The following PCSK5 variants were observed in gnomAD, a reference collection of about 807,000 sequenced individuals.
The protein encoded by PCSK5 is proprotein convertase subtilisin/kexin type 5, also known as prohormone convertase 5.
Under a neutral mutation model 233.2 loss-of-function variants are expected in PCSK5, and 129 were observed. That is an observed-to-expected ratio of 0.55 (90% confidence interval 0.48 to 0.64). PCSK5 has a LOEUF of 0.64. Among genes scored for constraint, PCSK5 ranks in the 30% least tolerant of loss-of-function variants. The pLI is 0.00. For synonymous variants in PCSK5, 825 were observed against 879.2 expected (o/e 0.94, Z 1.09); for missense variants, 2,076 against 2,430.1 (o/e 0.85, Z 3.06).
chr9:76,091,650 TG>T (rs1294148510), intron 7 of PCSK5, among the ~76,000 whole-genome samples: 1 of 152,060 alleles, frequency 6.6e-6, no homozygotes, highest in South Asian at 2.1e-4. Flanking sequence ...TGGGGTATGC[TG>T]GCCAGAAACT....
At chr9:76,324,725 T>C (rs1420512313) in intron 32 of PCSK5, among the ~76,000 whole-genome samples, 1 of 152,002 alleles carries the variant, frequency 6.6e-6, no homozygotes, top group Non-Finnish European at 1.5e-5. Flanking sequence ...AACAGAAAAA[T>C]AAAATAAGTT....
intron 13 of PCSK5, among the ~76,000 whole-genome samples, chr9:76,171,386 A>G (rs999254010): frequency 4.6e-5 from 7 of 152,184 alleles, no homozygotes; most frequent in Admixed American, 6.5e-5. Context: ...AACACTGTCA[A>G]ATGTGGCAGT....
At chr9:76,011,951 C>G (rs1587495799) in intron 3 of PCSK5, among the ~76,000 whole-genome samples, 1 of 152,134 alleles carries the variant, frequency 6.6e-6, no homozygotes, top group East Asian at 1.9e-4. Flanking sequence ...TCCTTCATAA[C>G]TATTACCATG....
In PCSK5 at chr9:75,964,828, A is replaced by T. The variant is rs115462692; in HGVS notation, c.298-21304A>T. Among the ~76,000 whole-genome samples, 1,031 of 152,252 alleles carry T rather than the reference A, an allele frequency of 6.8e-3. 9 individuals are homozygous for T. The highest frequency in any genetic ancestry group is 0.024 in the African/African-American group (988 of 41,532). ...TCCTTGTAGGCCATATTCCAAATCAACAATTTGTTTAGGAAGCCAAAACTT... is the reference window on the plus strand; with the variant it reads ...TCCTTGTAGGCCATATTCCAAATCATCAATTTGTTTAGGAAGCCAAAACTT... On this transcript the variant is annotated intron_variant, in intron 2 of 37. Transcript: ENST00000674117.
intron 21 of PCSK5, among the ~76,000 whole-genome samples, chr9:76,230,137 C>A (rs1418701163): frequency 1.3e-5 from 2 of 152,130 alleles, no homozygotes; most frequent in African/African-American, 4.8e-5. Flanking sequence ...TGGGATTTTT[C>A]TTCAAGTTTC....
At chr9:76,261,297 G>A (rs976145007) in intron 24 of PCSK5, among the ~76,000 whole-genome samples, 3 of 152,106 alleles carry the variant, frequency 2.0e-5, no homozygotes, top group South Asian at 2.1e-4. Context: ...AAAATAAACC[G>A]TTGCCTTTCT....
intron 27 of PCSK5, among the ~76,000 whole-genome samples, chr9:76,299,654 A>C (rs1364824747): frequency 6.6e-6 from 1 of 151,946 alleles, no homozygotes. Flanking sequence ...CCTGGGCAAC[A>C]GAGAGACTCC....
At chr9:76,045,760 C>G (rs1372905945) in intron 5 of PCSK5, among the ~76,000 whole-genome samples, 1 of 152,164 alleles carries the variant, frequency 6.6e-6, no homozygotes, top group African/African-American at 2.4e-5. Context: ...TCTCTACCTG[C>G]TATCCCTATG....
chr9:76,139,059 T>A (rs1823094821), intron 10 of PCSK5, among the ~76,000 whole-genome samples: 1 of 152,138 alleles, frequency 6.6e-6, no homozygotes, highest in South Asian at 2.1e-4. Flanking sequence ...AGGCCTTAAC[T>A]TTTAATAACC....
chr9:76,319,630 A>G (rs1405565308), intron 30 of PCSK5, among the ~76,000 whole-genome samples: 5 of 152,148 alleles, frequency 3.3e-5, no homozygotes, highest in African/African-American at 1.2e-4. Flanking sequence ...GCAGACCGCG[A>G]AAGGGAGTCT....
intron 3 of PCSK5, among the ~76,000 whole-genome samples, chr9:75,993,669 T>C (rs1826870613): frequency 6.6e-6 from 1 of 152,236 alleles, no homozygotes; most frequent in Non-Finnish European, 1.5e-5. Flanking sequence ...TTCTCATGGC[T>C]ATGATTTATT....
chr9:76,269,930 T>C (rs1008564086), intron 24 of PCSK5, among the ~76,000 whole-genome samples: 17 of 152,366 alleles, frequency 1.1e-4, no homozygotes, highest in African/African-American at 4.1e-4. Flanking sequence ...CCAGTTGCTA[T>C]AGTGACTTGA....
chr9:76,080,815 G>A (rs1226413611), intron 7 of PCSK5, among the ~76,000 whole-genome samples: 2 of 152,120 alleles, frequency 1.3e-5, no homozygotes, highest in African/African-American at 4.8e-5. Context: ...ACAATGTAAA[G>A]TCTCTAAATA....
chr9:76,205,376 G>A (rs1825072585), intron 20 of PCSK5, among the ~76,000 whole-genome samples: 1 of 152,114 alleles, frequency 6.6e-6, no homozygotes, highest in South Asian at 2.1e-4. Flanking sequence ...GTATGGGGCT[G>A]GGGCAACTTG....
chr9:75,946,791 T>G (rs979398528), intron 2 of PCSK5, among the ~76,000 whole-genome samples: 2 of 152,172 alleles, frequency 1.3e-5, no homozygotes, highest in African/African-American at 4.8e-5. Flanking sequence ...GGTTTCACTA[T>G]GTTGGCCAGG....
At chr9:76,240,792 C>A in intron 24 of PCSK5, 108 bp downstream of exon 24, 1 of 735,840 alleles carries the variant, frequency 1.4e-6, no homozygotes, top group Non-Finnish European at 2.4e-6. Context: ...TGCTGTCAGC[C>A]TCAGTGACAC....
chr9:75,916,347 T>C (rs979079952), intron 1 of PCSK5, among the ~76,000 whole-genome samples: 4 of 152,192 alleles, frequency 2.6e-5, no homozygotes, highest in African/African-American at 7.2e-5. Context: ...CTCAGTGTTA[T>C]TATTTCAAAA....
chr9:75,999,179 T>C (rs1314472699), intron 3 of PCSK5, among the ~76,000 whole-genome samples: 2 of 152,176 alleles, frequency 1.3e-5, no homozygotes, highest in Admixed American at 6.5e-5. Flanking sequence ...TCACCTACAT[T>C]AGGTGTTTCT....
intron 9 of PCSK5, among the ~76,000 whole-genome samples, chr9:76,108,295 A>C (rs1485966849): frequency 2.0e-5 from 3 of 152,198 alleles, no homozygotes; most frequent in Non-Finnish European, 4.4e-5. Context: ...GGATCATAAG[A>C]AAAAGGAACT....
Sources: gnomAD v4.1 joint callset for allele counts (sites outside exome capture counted in the v4.1 genomes callset) on GRCh38, gnomAD v4.1.1 for gene constraint, MANE v1.5 for transcripts, NCBI Gene and HGNC (gene_info 2026-07-23, HGNC 2026-07-21) for gene names.